Variants in TPTE2 observed in about 807,000 individuals in gnomAD.
The protein encoded by TPTE2 is phosphatidylinositol 3,4,5-trisphosphate 3-phosphatase TPTE2.
TPTE2 carries 53 observed loss-of-function variants against 78.6 expected under a neutral mutation model. The observed-to-expected ratio is 0.67, with a 90% CI of 0.54 to 0.85. TPTE2 has a LOEUF of 0.85. Ranked by LOEUF, TPTE2 falls within the 40% of genes least tolerant of loss-of-function variation. TPTE2 has a pLI of 0.00. For missense variants in TPTE2, 461 were observed against 623.0 expected (o/e 0.74, Z 2.77); for synonymous variants, 175 against 206.2 (o/e 0.85, Z 1.30).
upstream of TPTE2, among the ~76,000 whole-genome samples, chr13:19,506,798 G>A (rs571246426): frequency 6.6e-6 from 1 of 152,228 alleles, no homozygotes; most frequent in East Asian, 1.9e-4. Flanking sequence ...ATTAATTTTT[G>A]TTTAAGCCAC....
chr13:19,537,608 T>C (rs543359383), upstream of TPTE2, among the ~76,000 whole-genome samples: 6 of 151,760 alleles, frequency 4.0e-5, no homozygotes, highest in Admixed American at 3.9e-4. Context: ...TTTTTGTTTT[T>C]TGTTTTTTTT....
intron 1 of TPTE2, among the ~76,000 whole-genome samples, chr13:19,502,846 CAAA>C (rs562366842): frequency 3.0e-5 from 4 of 131,668 alleles, no homozygotes; most frequent in African/African-American, 2.8e-5. Flanking sequence ...TTGTTGAAGC[CAAA>C]AAAAAAAAAA....
At chr13:19,551,627 T>C in the TPTE2 span, among the ~76,000 whole-genome samples, 5 of 151,984 alleles carry the variant, frequency 3.3e-5, no homozygotes, top group Non-Finnish European at 7.4e-5. Flanking sequence ...ATATTAAGAA[T>C]TTGCTAAAAG....
At chr13:19,445,350 CT>C (rs1325897007) in intron 13 of TPTE2, among the ~76,000 whole-genome samples, 2 of 152,124 alleles carry the variant, frequency 1.3e-5, no homozygotes, top group African/African-American at 4.8e-5. Context: ...CTTAAAAAAA[CT>C]TCCTCAAACT....
chr13:19,487,959 G>C (rs1186862877), intron 3 of TPTE2, among the ~76,000 whole-genome samples: 1 of 152,166 alleles, frequency 6.6e-6, no homozygotes, highest in Non-Finnish European at 1.5e-5. Flanking sequence ...GATGGCAGTG[G>C]GGTGACAGGG....
At chr13:19,540,312 T>TATTGA, upstream of TPTE2, among the ~76,000 whole-genome samples, 1 of 150,056 alleles carries the variant, frequency 6.7e-6, no homozygotes, top group Non-Finnish European at 1.5e-5. Context: ...ATTATTATGG[T>TATTGA]TTTTTTTAAG....
intron 13 of TPTE2, among the ~76,000 whole-genome samples, chr13:19,444,419 C>CA (rs1410281819): frequency 8.4e-6 from 1 of 119,020 alleles, no homozygotes; most frequent in African/African-American, 2.9e-5. Flanking sequence ...TTTAAAACAA[C>CA]AAAAAACATT....
chr13:19,554,984 C>T, the TPTE2 span, among the ~76,000 whole-genome samples: 3 of 152,188 alleles, frequency 2.0e-5, no homozygotes, highest in South Asian at 2.1e-4. Flanking sequence ...CTGACCTATG[C>T]CTTTTCCACC....
intron 3 of TPTE2, among the ~76,000 whole-genome samples, chr13:19,484,808 C>T (rs1450724179): frequency 6.6e-6 from 1 of 152,168 alleles, no homozygotes; most frequent in African/African-American, 2.4e-5. Flanking sequence ...TCCCTGCTCA[C>T]TTTTGGCTTC....
chr13:19,546,467 GTTTTTTTTTCTTTTTCTTTTTTT>G, the TPTE2 span, among the ~76,000 whole-genome samples: 23 of 126,046 alleles, frequency 1.8e-4, no homozygotes, highest in South Asian at 6.2e-3. Flanking sequence ...TGATTTTTGG[GTTTTTTTTTCTTTTTCTTTTTTT>G]TTTTTTTTTT....
At chr13:19,497,288 G>A (rs1200059209) in intron 1 of TPTE2, among the ~76,000 whole-genome samples, 6 of 140,448 alleles carry the variant, frequency 4.3e-5, no homozygotes, top group African/African-American at 1.0e-4. Flanking sequence ...CGAACTGGGC[G>A]GAGCCCACCA....
chr13:19,524,422 C>T (rs759782677), intron 1 of TPTE2, among the ~76,000 whole-genome samples: 41 of 152,094 alleles, frequency 2.7e-4, no homozygotes, highest in Non-Finnish European at 5.3e-4. Context: ...GTAGTACTTC[C>T]AGAACCAAGC....
At chr13:19,463,724 T>A (rs1247331614) in intron 10 of TPTE2, among the ~76,000 whole-genome samples, 3 of 152,194 alleles carry the variant, frequency 2.0e-5, no homozygotes, top group African/African-American at 7.2e-5. Context: ...AGTAATATAA[T>A]CTTCAGGTGA....
chr13:19,475,625 T>C lies in TPTE2; in HGVS notation c.180-2A>G. 1 of 1,607,466 alleles carries C rather than the reference T, an allele frequency of 6.2e-7. No individual in the cohort carries two copies. Among genetic ancestry groups the C allele is most frequent in the Non-Finnish European group, 8.5e-7 (1 of 1,177,502 alleles). ...TGCACAATTTTCTTAATCTTGCTGC[T>C]GCAAAAAGAAGTAAAAATAAAATTA... On this transcript the variant is annotated splice_acceptor_variant, in intron 4 of 19. Coordinates refer to ENST00000400230, the Ensembl canonical transcript of TPTE2. LOFTEE classifies it high-confidence loss of function.
upstream of TPTE2, among the ~76,000 whole-genome samples, chr13:19,504,290 A>T (rs1340354028): frequency 6.6e-6 from 1 of 151,990 alleles, no homozygotes; most frequent in African/African-American, 2.4e-5. Flanking sequence ...CTATGTACAA[A>T]TCCCCTTGAC....
At chr13:19,461,618 T>C (rs1158966401) in intron 10 of TPTE2, among the ~76,000 whole-genome samples, 1 of 152,206 alleles carries the variant, frequency 6.6e-6, no homozygotes, top group Non-Finnish European at 1.5e-5. Flanking sequence ...CCAACTGTTA[T>C]TGCATTGGAG....
intron 14 of TPTE2, among the ~76,000 whole-genome samples, chr13:19,437,826 A>G (rs1326320479): frequency 1.3e-5 from 2 of 151,936 alleles, no homozygotes; most frequent in Non-Finnish European, 2.9e-5. Flanking sequence ...ATTTATTTTA[A>G]TTATTATAAT....
intron 15 of TPTE2, among the ~76,000 whole-genome samples, chr13:19,435,095 A>G (rs1876975719): frequency 6.6e-6 from 1 of 152,220 alleles, no homozygotes; most frequent in African/African-American, 2.4e-5. Context: ...TACAAGTAAT[A>G]AAAAATGGTG....
At chr13:19,425,139 A>G (rs200135809) in intron 18 of TPTE2, 122 bp from the exon 22 acceptor site, 1 of 522,262 alleles carries the variant, frequency 1.9e-6, no homozygotes, top group Non-Finnish European at 3.3e-6. Context: ...TTAAATAGGT[A>G]GCACTCTGCA....
Sources: gnomAD v4.1 joint callset for allele counts (sites outside exome capture counted in the v4.1 genomes callset) on GRCh38, gnomAD v4.1.1 for gene constraint, MANE v1.5 for transcripts, NCBI Gene and HGNC (gene_info 2026-07-23, HGNC 2026-07-21) for gene names.